Variants in TMEM123 observed in about 807,000 individuals in gnomAD.
TMEM123 encodes the protein porimin.
A neutral mutation model predicts 19.7 loss-of-function variants in TMEM123; 16 were observed. The ratio of observed to expected loss-of-function variants is 0.81; its 90% CI spans 0.55 to 1.23. The LOEUF is 1.23. Among genes scored for constraint, TMEM123 ranks in the 50% most tolerant of loss-of-function variants. The probability of loss-of-function intolerance (pLI) is 0.00; values close to 1 mark genes in which losing one functional copy is unlikely to be tolerated. For missense variants in TMEM123, 313 were observed against 257.8 expected, an observed-to-expected ratio of 1.21 and a Z score of -1.47; for synonymous variants, 118 against 99.4, an observed-to-expected ratio of 1.19 and a Z score of -1.12.
At chr11:102,411,191 G>GC (rs1449815611) in intron 2 of TMEM123, among the ~76,000 whole-genome samples, 2 of 152,066 alleles carry the variant, frequency 1.3e-5, no homozygotes, top group South Asian at 4.1e-4. Flanking sequence ...GGAAGTTTCA[G>GC]CCCCATCCAT....
chr11:102,431,494 G>C (rs1378266406), intron 2 of TMEM123, among the ~76,000 whole-genome samples: 3 of 152,114 alleles, frequency 2.0e-5, no homozygotes, highest in Non-Finnish European at 4.4e-5. Context: ...AAAAAAGAAA[G>C]TTTTCCTCTT....
intron 2 of TMEM123, among the ~76,000 whole-genome samples, chr11:102,404,428 C>G (rs1951937560): frequency 6.6e-6 from 1 of 151,974 alleles, no homozygotes; most frequent in Non-Finnish European, 1.5e-5. Context: ...GGATTACAGG[C>G]ACATGCCACG....
intron 2 of TMEM123, among the ~76,000 whole-genome samples, chr11:102,410,358 A>G (rs1019166266): frequency 1.3e-5 from 2 of 152,112 alleles, no homozygotes; most frequent in Non-Finnish European, 2.9e-5. Flanking sequence ...GGGTGAGAAA[A>G]GCAGCCTGGC....
At chr11:102,399,267 G>C (rs951903343) in intron 4 of TMEM123, among the ~76,000 whole-genome samples, 8 of 152,000 alleles carry the variant, frequency 5.3e-5, no homozygotes, top group Middle Eastern at 3.4e-3. Flanking sequence ...AAAACAGTGA[G>C]ACTACCATCT....
At chr11:102,401,779 A>G in intron 3 of TMEM123, 87 bp from the exon 4 acceptor site, 1 of 1,500,450 alleles carries the variant, frequency 6.7e-7, no homozygotes, top group Non-Finnish European at 8.9e-7. Context: ...TTCTGTGTTA[A>G]GAACATTTAA....
At chr11:102,452,446 G>C (rs548706576) in intron 1 of TMEM123, 78 bp downstream of exon 1, 5 of 1,245,148 alleles carry the variant, frequency 4.0e-6, no homozygotes, top group South Asian at 1.7e-5. Context: ...TTCTGTACCA[G>C]AGCCCAACTT....
chr11:102,416,440 A>C (rs1009027853), intron 2 of TMEM123, among the ~76,000 whole-genome samples: 5 of 152,248 alleles, frequency 3.3e-5, no homozygotes, highest in South Asian at 2.1e-4. Context: ...AGAAACACAC[A>C]ACCTCCCAAG....
intron 2 of TMEM123, among the ~76,000 whole-genome samples, chr11:102,404,369 C>T (rs575615343): frequency 1.2e-4 from 18 of 151,248 alleles, no homozygotes; most frequent in African/African-American, 4.1e-4. Context: ...GGGCAACCTC[C>T]GCCTTCTGGG....
At chr11:102,438,137 T>A (rs1378344945) in intron 2 of TMEM123, among the ~76,000 whole-genome samples, 1 of 152,190 alleles carries the variant, frequency 6.6e-6, no homozygotes, top group African/African-American at 2.4e-5. Context: ...CACTGCAATC[T>A]CTGCCACCCG....
chr11:102,439,715 G>T (rs1332105229), intron 2 of TMEM123, among the ~76,000 whole-genome samples: 1 of 152,146 alleles, frequency 6.6e-6, no homozygotes, highest in Non-Finnish European at 1.5e-5. Flanking sequence ...CGAGTTGAGA[G>T]AAGAAGGCTT....
chr11:102,440,223 G>T (rs12280598), intron 2 of TMEM123, among the ~76,000 whole-genome samples: 1 of 152,080 alleles, frequency 6.6e-6, no homozygotes, highest in African/African-American at 2.4e-5. Flanking sequence ...TCCTCGAGAA[G>T]AACAACTCCA....
At chr11:102,422,831 A>G (rs1952097843) in intron 2 of TMEM123, among the ~76,000 whole-genome samples, 1 of 152,208 alleles carries the variant, frequency 6.6e-6, no homozygotes, top group Non-Finnish European at 1.5e-5. Flanking sequence ...TTTTTATCCT[A>G]AGAGCTATGT....
chr11:102,435,319 T>C (rs1260822991), intron 2 of TMEM123, among the ~76,000 whole-genome samples: 1 of 151,904 alleles, frequency 6.6e-6, no homozygotes, highest in East Asian at 1.9e-4. Flanking sequence ...ACAGAAAATA[T>C]ACAAATGACC....
At position 102,398,794 on chromosome 11, in the gene TMEM123, A is replaced by C; in HGVS notation, c.*73T>G. 6.8e-7 allele frequency: 1 copy of C among 1,468,908 alleles called. No individual in the cohort carries two copies. 91.0% of individuals were successfully genotyped at this position (1,468,908 alleles called of 1,614,324 possible). On this transcript the variant is annotated 3_prime_UTR_variant, in exon 5 of 5. Coordinates refer to ENST00000398136, the MANE Select transcript of TMEM123 (RefSeq NM_052932.3). ...ATTTTCAAAAAGAGAATATTGTTTT[A>C]AACTATTAATAAACCAAAATTAATT...
chr11:102,428,800 A>G (rs1952150588), intron 2 of TMEM123, among the ~76,000 whole-genome samples: 1 of 152,212 alleles, frequency 6.6e-6, no homozygotes, highest in African/African-American at 2.4e-5. Flanking sequence ...AGAATAGGCT[A>G]TAACTCTGAC....
At position 102,425,134 on chromosome 11, in the gene TMEM123, G is replaced by A. The variant is rs537403672; in HGVS notation, c.158-22928C>T. Among the ~76,000 whole-genome samples the A allele has an allele frequency of 3.9e-5, 6 of 152,306 alleles. No individual in the cohort carries two copies. In the South Asian group the frequency reaches 1.2e-3, roughly 32 times the overall value. On this transcript the variant is annotated intron_variant, in intron 2 of 4. Coordinates refer to ENST00000398136, the MANE Select transcript of TMEM123 (RefSeq NM_052932.3). ...AAGCAGCACCCAGGAATATCAGAAAGAAACAGAGGCTTTTACGCCAACCAG... is the reference window on the plus strand; with the variant it reads ...AAGCAGCACCCAGGAATATCAGAAAAAAACAGAGGCTTTTACGCCAACCAG...
At chr11:102,424,459 G>A (rs1019771597) in intron 2 of TMEM123, among the ~76,000 whole-genome samples, 2 of 152,190 alleles carry the variant, frequency 1.3e-5, no homozygotes, top group African/African-American at 4.8e-5. Flanking sequence ...GCTAAGGCAG[G>A]TGGATCACTT....
chr11:102,415,893 G>T (rs970264571), intron 2 of TMEM123, among the ~76,000 whole-genome samples: 1 of 104,510 alleles, frequency 9.6e-6, no homozygotes, highest in Non-Finnish European at 1.9e-5. Flanking sequence ...AAAAGTTGGT[G>T]GTTGTTATTA....
At position 102,398,282 on chromosome 11, in the gene TMEM123, A is replaced by G. The variant is rs1161169665; in HGVS notation, c.*585T>C. The G allele has an allele frequency of 3.6e-6, 1 of 277,018 alleles. No homozygotes were observed. The highest frequency in any genetic ancestry group is 6.1e-5 in the East Asian group (1 of 16,394). The allele number at this position is 277,018 out of a possible 1,614,324, so 17.2% of individuals were successfully genotyped here. A position where few individuals can be genotyped will look rare whatever the true frequency, so the allele number is the denominator to read the frequency against. The stretch of plus-strand genomic sequence containing the variant: ...AAGCAAAGCTATTATTTTGGGTTTT[A>G]TTTGAAAATTTTCTTTTTCTTGGAG... On this transcript the variant is annotated 3_prime_UTR_variant, in exon 5 of 5. Transcript: ENST00000398136.
Sources: gnomAD v4.1 joint callset for allele counts (sites outside exome capture counted in the v4.1 genomes callset) on GRCh38, gnomAD v4.1.1 for gene constraint, MANE v1.5 for transcripts, NCBI Gene and HGNC (gene_info 2026-07-23, HGNC 2026-07-21) for gene names.